Variants in MPP7 observed in about 807,000 individuals in gnomAD.
The protein encoded by MPP7 is MAGUK p55 scaffold protein 7, also known as MAGUK p55 subfamily member 7.
Under a neutral mutation model 76.5 loss-of-function variants are expected in MPP7, and 60 were observed. The observed-to-expected ratio is 0.78, with a 90% CI of 0.64 to 0.97. The LOEUF (loss-of-function observed/expected upper bound fraction) is 0.97. MPP7 is among the 50% of genes least tolerant of loss of function. The pLI, the probability that MPP7 is intolerant of heterozygous loss-of-function variation, is 0.00. For missense variants in MPP7, 641 were observed against 694.0 expected (o/e 0.92, Z 0.86); for synonymous variants, 237 against 244.5 (o/e 0.97, Z 0.29).
chr10:28,058,207 G>A (rs571202064), intron 15 of MPP7, among the ~76,000 whole-genome samples: 305 of 152,322 alleles, frequency 2.0e-3, no homozygotes, highest in African/African-American at 7.1e-3. Context: ...TACAGAATAT[G>A]TAGAAACATC....
intron 1 of MPP7, among the ~76,000 whole-genome samples, chr10:28,298,574 G>C (rs1301670281): frequency 6.6e-6 from 1 of 152,204 alleles, no homozygotes; most frequent in Non-Finnish European, 1.5e-5. Flanking sequence ...AGGCAGAGTA[G>C]ATTTTGCATG....
chr10:28,291,441 C>T (rs1245548112), intron 1 of MPP7, among the ~76,000 whole-genome samples: 1 of 152,112 alleles, frequency 6.6e-6, no homozygotes. Context: ...GCCGTCTATA[C>T]TAAAAATAGA....
At chr10:28,114,016 C>G (rs1834585123) in intron 11 of MPP7, among the ~76,000 whole-genome samples, 1 of 152,286 alleles carries the variant, frequency 6.6e-6, no homozygotes, top group South Asian at 2.1e-4. Flanking sequence ...CAGCTCCTCT[C>G]TCCAGTGTTA....
chr10:28,150,112 T>A lies in MPP7; in HGVS notation c.157-53A>T, dbSNP rs1369530466. ...TCACCTGCTAGCAAACAATCTCAGA[T>A]AGCTGCACATTTTTATACTTGAAAA... is the stretch of plus-strand genomic sequence containing the variant. On this transcript the variant is annotated intron_variant, in intron 3 of 16. Transcript: ENST00000683449. The A allele has an allele frequency of 2.4e-6, 3 of 1,237,862 alleles. No individual in the cohort carries two copies. In the African/African-American group the frequency reaches 4.5e-5, roughly 18 times the overall value. 76.7% of individuals were successfully genotyped at this position (1,237,862 alleles called of 1,614,324 possible).
chr10:28,316,435 TAAAAAAAAAAAAAAAAAAAAAAAA>T (rs549621404), intron 2 of MPP7, among the ~76,000 whole-genome samples: 1 of 37,150 alleles, frequency 2.7e-5, no homozygotes, highest in African/African-American at 8.4e-5. Flanking sequence ...ACTCTGTCTT[TAAAAAAAAAAAAAAAAAAAAAAAA>T]AAAAAAAAAA....
chr10:28,086,922 A>G (rs1212644606), intron 12 of MPP7, among the ~76,000 whole-genome samples: 2 of 150,712 alleles, frequency 1.3e-5, no homozygotes, highest in Non-Finnish European at 1.5e-5. Context: ...GATGGAGTCA[A>G]ATCTGGAGAG....
chr10:28,262,194 T>TATATATATATAC (rs1409359503), intron 1 of MPP7, among the ~76,000 whole-genome samples: 20 of 19,534 alleles, frequency 1.0e-3, no homozygotes, highest in African/African-American at 2.0e-3. Flanking sequence ...ATTATATATA[T>TATATATATATAC]ATATATATAT....
At chr10:28,323,001 T>C (rs1834380467) in intron 2 of MPP7, among the ~76,000 whole-genome samples, 1 of 151,572 alleles carries the variant, frequency 6.6e-6, no homozygotes, top group Non-Finnish European at 1.5e-5. Context: ...AAAAGAAAAA[T>C]AGGGGCCGGG....
chr10:28,240,801 G>T (rs931798922), intron 1 of MPP7, among the ~76,000 whole-genome samples: 4 of 152,048 alleles, frequency 2.6e-5, no homozygotes, highest in Non-Finnish European at 5.9e-5. Flanking sequence ...AAAAAAGACT[G>T]TATAATTTAA....
At chr10:28,314,597 G>A (rs1411610902) in intron 2 of MPP7, among the ~76,000 whole-genome samples, 2 of 152,176 alleles carry the variant, frequency 1.3e-5, no homozygotes, top group Non-Finnish European at 2.9e-5. Flanking sequence ...CAAAGAAGAA[G>A]CATGTTCAGT....
At chr10:28,229,888 C>CA (rs765093878) in intron 2 of MPP7, among the ~76,000 whole-genome samples, 263 of 101,136 alleles carry the variant, frequency 2.6e-3, no homozygotes, top group East Asian at 6.2e-3. Context: ...GACTCCGTCT[C>CA]AAAAAAAAAA....
chr10:28,159,189 T>C lies in MPP7; in HGVS notation c.157-9130A>G, dbSNP rs77152664. On this transcript the variant is annotated intron_variant, in intron 3 of 16. Coordinates refer to ENST00000683449, the MANE Select transcript of MPP7 (RefSeq NM_001318170.2). ...GATGTAACATATTTTGATGCAGTGA[T>C]TGGAGAAAATTAAAACTCCCTCTTT... 4.5e-3 allele frequency among the ~76,000 whole-genome samples: 679 copies of C among 152,318 alleles called. 1 individual carries two copies. Among genetic ancestry groups the C allele is most frequent in the Non-Finnish European group, 6.8e-3 (466 of 68,032 alleles).
At chr10:28,206,128 C>A (rs1190135819) in intron 2 of MPP7, among the ~76,000 whole-genome samples, 1 of 152,090 alleles carries the variant, frequency 6.6e-6, no homozygotes, top group African/African-American at 2.4e-5. Context: ...TATAGCAGTA[C>A]AAAACTGACT....
In MPP7 at chr10:28,124,183, T is replaced by C. The variant is rs1464376000; in HGVS notation, c.530-67A>G. The C allele has an allele frequency of 4.8e-6, 5 of 1,036,374 alleles. No homozygotes were observed. In the African/African-American group the frequency reaches 6.3e-5, roughly 13 times the overall value. 64.2% of individuals were successfully genotyped at this position (1,036,374 alleles called of 1,614,324 possible). A position where few individuals can be genotyped will look rare whatever the true frequency, so the allele number is the denominator to read the frequency against. On this transcript the variant is annotated intron_variant, in intron 7 of 16. Transcript: ENST00000683449. ...AACCAAAACTGTAATTTGCAGCTGT[T>C]TCCATAAGTAAAGCATTGTTAGGTT... is the stretch of plus-strand genomic sequence containing the variant.
chr10:28,102,903 C>T (rs1853891809), intron 11 of MPP7, among the ~76,000 whole-genome samples: 1 of 152,328 alleles, frequency 6.6e-6, no homozygotes, highest in African/African-American at 2.4e-5. Flanking sequence ...GACCCTTACA[C>T]ACAGAAGGCA....
In MPP7 at chr10:28,320,081, C is replaced by T. The variant is rs577499068; in HGVS notation, c.-132+9848G>A. 3.9e-4 allele frequency among the ~76,000 whole-genome samples: 59 copies of T among 152,320 alleles called. 1 individual carries two copies. The South Asian group carries it at 0.011, about 27-fold the overall frequency. ...GCCCATTACTTATATTCCCCAGTCA[C>T]GCACTGAATGTCTCTATGTAAAGGA... On this transcript the variant is annotated intron_variant, in intron 2 of 11. Coordinates refer to the MPP7 transcript ENST00000441595.
chr10:28,332,827 A>G (rs959593581), intron 1 of MPP7, among the ~76,000 whole-genome samples: 4 of 151,426 alleles, frequency 2.6e-5, no homozygotes, highest in African/African-American at 9.7e-5. Flanking sequence ...ATGCCTGGCT[A>G]ATTCTTTTAT....
intron 1 of MPP7, among the ~76,000 whole-genome samples, chr10:28,262,341 C>T (rs1284870742): frequency 1.4e-5 from 2 of 145,552 alleles, no homozygotes; most frequent in African/African-American, 2.5e-5. Context: ...TGTGATCCAC[C>T]GGCCTCGGCC....
chr10:28,194,302 C>T (rs1837509357), intron 3 of MPP7, among the ~76,000 whole-genome samples: 1 of 152,206 alleles, frequency 6.6e-6, no homozygotes, highest in Non-Finnish European at 1.5e-5. Flanking sequence ...GCATGAGCCA[C>T]CACACCTGGC....
Sources: gnomAD v4.1 joint callset for allele counts (sites outside exome capture counted in the v4.1 genomes callset) on GRCh38, gnomAD v4.1.1 for gene constraint, MANE v1.5 for transcripts, NCBI Gene and HGNC (gene_info 2026-07-23, HGNC 2026-07-21) for gene names.